The following PTGER3 variants were observed in gnomAD, a reference collection of about 807,000 sequenced individuals.
The protein encoded by PTGER3 is prostaglandin E receptor 3, also known as prostaglandin E2 receptor EP3 subtype.
PTGER3 carries 22 observed loss-of-function variants against 34.7 expected under a neutral mutation model. The observed-to-expected ratio is 0.63, with a 90% confidence interval of 0.45 to 0.91. The LOEUF is 0.91. Among genes scored for constraint, PTGER3 ranks in the 40% least tolerant of loss-of-function variants. The pLI is 0.00. For synonymous variants in PTGER3, 241 were observed against 230.1 expected (o/e 1.05, Z -0.43); for missense variants, 468 against 519.4 (o/e 0.90, Z 0.96).
At chr1:70,970,718 G>C (rs376779824), downstream of PTGER3, 4 of 347,216 alleles carry the variant, frequency 1.2e-5, no homozygotes, top group African/African-American at 8.9e-5. Flanking sequence ...AAGAAGAAAA[G>C]CTGATTGAAT....
intron 4 of PTGER3, among the ~76,000 whole-genome samples, chr1:70,932,906 G>T (rs1450476441): frequency 6.6e-6 from 1 of 152,038 alleles, no homozygotes; most frequent in African/African-American, 2.4e-5. Flanking sequence ...TATACACATA[G>T]AGATACAAAA....
At chr1:70,976,998 C>T (rs1653770295) in intron 2 of PTGER3, among the ~76,000 whole-genome samples, 1 of 152,112 alleles carries the variant, frequency 6.6e-6, no homozygotes, top group South Asian at 2.1e-4. Flanking sequence ...TTTATCCTCC[C>T]TTTGGATGTG....
intron 4 of PTGER3, among the ~76,000 whole-genome samples, chr1:70,894,055 C>T (rs1646673601): frequency 6.6e-6 from 1 of 152,084 alleles, no homozygotes; most frequent in Non-Finnish European, 1.5e-5. Context: ...CGCCAGTAAT[C>T]CCAGCTCTTT....
chr1:70,855,484 A>G, intron 4 of PTGER3, among the ~76,000 whole-genome samples: 1 of 152,230 alleles, frequency 6.6e-6, no homozygotes, highest in Non-Finnish European at 1.5e-5. Context: ...TGTTATGTTA[A>G]AATGTGTTTT....
At chr1:71,036,516 C>A (rs937743149) in intron 1 of PTGER3, among the ~76,000 whole-genome samples, 9 of 151,636 alleles carry the variant, frequency 5.9e-5, no homozygotes, top group Non-Finnish European at 1.2e-4. Flanking sequence ...GACCCTATCT[C>A]AAAATAAAAT....
At chr1:70,915,008 C>T (rs569724846) in intron 4 of PTGER3, among the ~76,000 whole-genome samples, 8 of 152,042 alleles carry the variant, frequency 5.3e-5, no homozygotes, top group Middle Eastern at 3.4e-3. Flanking sequence ...GTACAAGTCA[C>T]AAGTGGTAAA....
At chr1:70,921,650 A>T (rs901863140) in intron 4 of PTGER3, among the ~76,000 whole-genome samples, 9 of 151,978 alleles carry the variant, frequency 5.9e-5, no homozygotes, top group South Asian at 4.2e-4. Flanking sequence ...TCCCTAAAAA[A>T]AAATAAATAA....
intron 4 of PTGER3, among the ~76,000 whole-genome samples, chr1:70,918,000 C>T (rs955544583): frequency 6.6e-6 from 1 of 151,892 alleles, no homozygotes; most frequent in Non-Finnish European, 1.5e-5. Flanking sequence ...TTTGCAAATG[C>T]TTCTCCCATA....
At chr1:71,004,865 A>G (rs1330852932) in intron 2 of PTGER3, among the ~76,000 whole-genome samples, 3 of 152,222 alleles carry the variant, frequency 2.0e-5, no homozygotes, top group Non-Finnish European at 2.9e-5. Flanking sequence ...TTGTGCAGTC[A>G]GACACAAACT....
At chr1:70,924,174 CTT>C (rs972880024) in intron 4 of PTGER3, among the ~76,000 whole-genome samples, 10 of 151,976 alleles carry the variant, frequency 6.6e-5, no homozygotes, top group Non-Finnish European at 1.3e-4. Flanking sequence ...AAAAAAAAGT[CTT>C]ATTTATCTAA....
chr1:71,047,242 G>T lies in PTGER3; in HGVS notation c.336C>A (p.Val112=). ...CCCAACGCTGCTTGGACAGGTACAC[G>T]ACGATGACGACCGGGGTGGTGAGAA... is the stretch of plus-strand genomic sequence containing the variant. The part of the protein sequence containing the change: ...GQLLTTPVVI[V]VYLSKQRWEH... Residue 112 remains valine (V), a synonymous_variant, in exon 1 of 4, where the codon GTC becomes GTA. Coordinates refer to ENST00000306666, the MANE Select transcript of PTGER3 (RefSeq NM_198719.2). 6.3e-7 allele frequency: 1 copy of T among 1,595,160 alleles called. No individual in the cohort carries two copies. The highest frequency in any genetic ancestry group is 2.3e-5 in the East Asian group (1 of 43,978).
At chr1:70,853,832 A>G (rs1273618854) in intron 4 of PTGER3, among the ~76,000 whole-genome samples, 1 of 152,180 alleles carries the variant, frequency 6.6e-6, no homozygotes, top group Admixed American at 6.6e-5. Flanking sequence ...CACGCACTCA[A>G]TCAATCTTTG....
At chr1:70,897,829 T>A (rs1252155785) in intron 4 of PTGER3, among the ~76,000 whole-genome samples, 1 of 152,194 alleles carries the variant, frequency 6.6e-6, no homozygotes, top group Non-Finnish European at 1.5e-5. Context: ...GTGCTGTTAT[T>A]GACTTCAACA....
intron 2 of PTGER3, chr1:71,007,888 T>C: frequency 1.0e-6 from 1 of 985,354 alleles, no homozygotes. Flanking sequence ...AGTGGAATCA[T>C]CTCCAAAAAT....
intron 4 of PTGER3, among the ~76,000 whole-genome samples, chr1:70,943,529 T>C (rs919591801): frequency 2.0e-5 from 3 of 152,182 alleles, no homozygotes; most frequent in Admixed American, 6.6e-5. Flanking sequence ...TTGGTTGTGA[T>C]GTTGCAGTGG....
At chr1:71,010,794 G>T (rs1419827718) in intron 2 of PTGER3, 3 of 984,830 alleles carry the variant, frequency 3.0e-6, no homozygotes, top group Non-Finnish European at 3.6e-6. Context: ...ATTTGACATG[G>T]TCATTTAAAA....
chr1:71,041,313 T>C (rs1297015753), intron 1 of PTGER3, among the ~76,000 whole-genome samples: 6 of 152,180 alleles, frequency 3.9e-5, no homozygotes, highest in African/African-American at 1.2e-4. Flanking sequence ...GGAGTATTGG[T>C]TGCTTACCTT....
chr1:70,953,033 C>T (rs1557681107), exon 4 of PTGER3: 18 of 1,606,112 alleles, frequency 1.1e-5, no homozygotes, highest in Non-Finnish European at 1.4e-5. Flanking sequence ...CCCTCTGTAT[C>T]TGAGAGTTCT....
intron 2 of PTGER3, among the ~76,000 whole-genome samples, chr1:70,985,579 G>A (rs1163121229): frequency 6.6e-6 from 1 of 152,094 alleles, no homozygotes; most frequent in Admixed American, 6.5e-5. Context: ...TTGTGATTAG[G>A]CAAATCTGAA....
Sources: allele counts gnomAD v4.1 joint callset (sites outside exome capture counted in the v4.1 genomes callset), GRCh38; gene constraint gnomAD v4.1.1; transcripts MANE v1.5; gene names NCBI Gene and HGNC (gene_info 2026-07-23, HGNC 2026-07-21).